CPSF2: variants seen among roughly 807,000 people sequenced by gnomAD.
The protein encoded by CPSF2 is cleavage and polyadenylation specific factor 2.
CPSF2 carries 51 observed loss-of-function variants against 84.2 expected under a neutral mutation model. That is an observed-to-expected ratio of 0.61 (90% confidence interval 0.48 to 0.77). The LOEUF is 0.77. CPSF2 is among the 30% of genes least tolerant of loss of function. The pLI is 0.00. For synonymous variants in CPSF2, 286 were observed against 311.9 expected, an observed-to-expected ratio of 0.92 and a Z score of 0.87; for missense variants, 641 against 929.4, an observed-to-expected ratio of 0.69 and a Z score of 4.03.
chr14:92,157,924 C>A lies in CPSF2; in HGVS notation c.1821+40C>A. The A allele has an allele frequency of 7.2e-7, 1 of 1,389,688 alleles. No individual in the cohort carries two copies. The allele number at this position is 1,389,688 out of a possible 1,614,324, so 86.1% of individuals were successfully genotyped here. ...AGTTGCCATTGAGTAGAAATAAGTA[C>A]TTTTTGTTGCAGGTTAGGACAGATA... On this transcript the variant is annotated intron_variant, in intron 13 of 15. Transcript: ENST00000298875. The surrounding 1 kb of genome is among the most constrained non-coding windows in gnomAD (Gnocchi z 4.0).
At chr14:92,128,676 G>A (rs188323798) in intron 2 of CPSF2, among the ~76,000 whole-genome samples, 15 of 152,310 alleles carry the variant, frequency 9.8e-5, no homozygotes, top group African/African-American at 2.9e-4. Context: ...AGTAAAAACA[G>A]GAGGGGGTCA....
intron 5 of CPSF2, among the ~76,000 whole-genome samples, chr14:92,135,058 T>G (rs2141457504): frequency 6.6e-6 from 1 of 152,338 alleles, no homozygotes; most frequent in South Asian, 2.1e-4. Flanking sequence ...ACATTAAAAT[T>G]TGCTAGTTCA....
In CPSF2 at chr14:92,169,320, A is replaced by G. The variant is rs1190291020; in HGVS notation, c.*7576A>G. 6.6e-6 allele frequency: 1 copy of G among 151,764 alleles called. No homozygotes were observed. Among genetic ancestry groups the G allele is most frequent in the African/African-American group, 2.4e-5 (1 of 41,256 alleles). The allele number at this position is 151,764 out of a possible 1,614,324, so 9.4% of individuals were successfully genotyped here. A position where few individuals can be genotyped will look rare whatever the true frequency, so the allele number is the denominator to read the frequency against. On this transcript the variant is annotated 3_prime_UTR_variant, in exon 16 of 16. Coordinates refer to ENST00000298875, the MANE Select transcript of CPSF2 (RefSeq NM_017437.3). ...ACTTGTTACTACATGACCCCCCCAC[A>G]CCCCCTAAAAAAGAAAAAGGACTTT...
rs551650078 is a variant in CPSF2, at chr14:92,165,186, G to C, written c.*3442G>C. The C allele has an allele frequency of 5.2e-4, 78 of 151,038 alleles. No homozygotes were observed. The highest frequency in any genetic ancestry group is 1.8e-3 in the African/African-American group (74 of 41,214). 9.4% of individuals were successfully genotyped at this position (151,038 alleles called of 1,614,324 possible). ...TCCATTCAACCGTTGATGTACATTT[G>C]AGTTGATTCCAAATTTTGGCTATTA... On this transcript the variant is annotated 3_prime_UTR_variant, in exon 16 of 16. Coordinates refer to ENST00000298875, the MANE Select transcript of CPSF2 (RefSeq NM_017437.3).
chr14:92,159,310 T>G (rs1391782094), intron 14 of CPSF2, 28 bp downstream of exon 14: 1 of 1,534,634 alleles, frequency 6.5e-7, no homozygotes, highest in Non-Finnish European at 8.8e-7. Context: ...TTTTTTGATT[T>G]CTTCCTGAAT....
intron 9 of CPSF2, 59 bp downstream of exon 9, chr14:92,143,353 T>A: frequency 8.7e-7 from 1 of 1,145,448 alleles, no homozygotes; most frequent in Non-Finnish European, 1.2e-6. Context: ...TTGTGCATGA[T>A]GTAAAAAAAT....
At chr14:92,154,198 C>T (rs1335959355) in intron 9 of CPSF2, 160 bp from the exon 10 acceptor site, 8 of 534,272 alleles carry the variant, frequency 1.5e-5, no homozygotes, top group Non-Finnish European at 2.3e-5. Context: ...CTAAATAGGA[C>T]CTATAATTGT....
rs2069433533 is a variant in CPSF2 at position 92,165,594 on chromosome 14, C to T, written c.*3850C>T. On this transcript the variant is annotated 3_prime_UTR_variant, in exon 16 of 16. Coordinates refer to ENST00000298875, the MANE Select transcript of CPSF2 (RefSeq NM_017437.3). ...ATTTTGGAGTAATATCTGTTCATAT[C>T]CTTTGTCCATTTTCAATTTGTTTAT... is the stretch of plus-strand genomic sequence containing the variant. 1 of 151,894 alleles carries T rather than the reference C, an allele frequency of 6.6e-6. No individual in the cohort carries two copies. The highest frequency in any genetic ancestry group is 2.4e-5 in the African/African-American group (1 of 41,352). The allele number at this position is 151,894 out of a possible 1,614,324, so 9.4% of individuals were successfully genotyped here.
Position 92,142,994 on chromosome 14 carries a change from C to T in CPSF2, c.850-10C>T. ...ATTTCTAATTCTTGTCATCTTTCCC[C>T]CCATGTTAGGTAGAATGGATGAGTG... On this transcript the variant is annotated splice_polypyrimidine_tract_variant and intron_variant, in intron 8 of 15. Coordinates refer to ENST00000298875, the MANE Select transcript of CPSF2 (RefSeq NM_017437.3). 6.3e-7 allele frequency: 1 copy of T among 1,587,264 alleles called. No homozygotes were observed.
At chr14:92,133,329 G>T (rs1224204192) in intron 3 of CPSF2, among the ~76,000 whole-genome samples, 1 of 152,014 alleles carries the variant, frequency 6.6e-6, no homozygotes, top group African/African-American at 2.4e-5. Context: ...TGAGGCAGGA[G>T]AATCGCTTGA....
chr14:92,149,963 G>T (rs1389652929), intron 9 of CPSF2, among the ~76,000 whole-genome samples: 3 of 151,906 alleles, frequency 2.0e-5, no homozygotes, highest in Non-Finnish European at 4.4e-5. Flanking sequence ...CCTAGTAAAA[G>T]ATTTTTTAAA....
intron 9 of CPSF2, among the ~76,000 whole-genome samples, chr14:92,151,657 T>C (rs2069219767): frequency 6.6e-6 from 1 of 152,202 alleles, no homozygotes; most frequent in Non-Finnish European, 1.5e-5. Flanking sequence ...AAACAACATA[T>C]TGCAAGAGAC....
At position 92,156,470 on chromosome 14, in the gene CPSF2, A is replaced by G; in HGVS notation, c.1443-9A>G. 1 of 1,604,292 alleles carries G rather than the reference A, an allele frequency of 6.2e-7. No individual in the cohort carries two copies. Among genetic ancestry groups the G allele is most frequent in the Non-Finnish European group, 8.5e-7 (1 of 1,177,122 alleles). On this transcript the variant is annotated splice_polypyrimidine_tract_variant and intron_variant, in intron 11 of 15. Coordinates refer to ENST00000298875, the MANE Select transcript of CPSF2 (RefSeq NM_017437.3). ...TTTTACTGCTTCTAATTAGAGACTT[A>G]TTATTTAGACCAGAGGATTTCTTAG...
rs187293586 is a variant in CPSF2 at position 92,163,618 on chromosome 14, C to T, written c.*1874C>T. On this transcript the variant is annotated 3_prime_UTR_variant, in exon 16 of 16. Coordinates refer to ENST00000298875, the MANE Select transcript of CPSF2 (RefSeq NM_017437.3). ...GTGTTAATAGTTCCCATAATCCCTA[C>T]GTGTTGTGGGAGGGACCCAGTGGGC... 6.8e-4 allele frequency: 104 copies of T among 152,748 alleles called. No individual in the cohort carries two copies. The highest frequency in any genetic ancestry group is 1.4e-3 in the Non-Finnish European group (95 of 68,056). 9.5% of individuals were successfully genotyped at this position (152,748 alleles called of 1,614,324 possible).
intron 7 of CPSF2, among the ~76,000 whole-genome samples, chr14:92,138,911 T>G (rs2069036640): frequency 6.6e-6 from 1 of 152,228 alleles, no homozygotes; most frequent in East Asian, 1.9e-4. Flanking sequence ...CATAAGAGAT[T>G]GGTTAACTTT....
rs1555416321 is a variant in CPSF2, at chr14:92,167,017, T to TTTTC, written c.*5276_*5277insCTTT. On this transcript the variant is annotated 3_prime_UTR_variant, in exon 16 of 16. Coordinates refer to ENST00000298875, the MANE Select transcript of CPSF2 (RefSeq NM_017437.3). ...TGCTTATCGATTTCTTTTTTTTCTT[T>TTTTC]TTTTTTTTTTTTGAGATAGCATCTT... is the stretch of plus-strand genomic sequence containing the variant. 6.7e-6 allele frequency: 1 copy of TTTTC among 148,912 alleles called. No homozygotes were observed. Among genetic ancestry groups the TTTTC allele is most frequent in the Non-Finnish European group, 1.5e-5 (1 of 67,084 alleles). The allele number at this position is 148,912 out of a possible 1,614,324, so 9.2% of individuals were successfully genotyped here. A position where few individuals can be genotyped will look rare whatever the true frequency, so the allele number is the denominator to read the frequency against.
Position 92,166,895 on chromosome 14 carries a change from T to C in CPSF2, c.*5151T>C, listed in dbSNP as rs2069454371. On this transcript the variant is annotated 3_prime_UTR_variant, in exon 16 of 16. Transcript: ENST00000298875. ...CATTACTGTAGCTTTGTAGTAACTT[T>C]TGAAATTGGGGAAGTGTGAGTTCCC... is the stretch of plus-strand genomic sequence containing the variant. 1 of 152,204 alleles carries C rather than the reference T, an allele frequency of 6.6e-6. No individual in the cohort carries two copies. Among genetic ancestry groups the C allele is most frequent in the Non-Finnish European group, 1.5e-5 (1 of 68,042 alleles). The allele number at this position is 152,204 out of a possible 1,614,324, so 9.4% of individuals were successfully genotyped here.
chr14:92,147,413 G>T (rs1406345594), intron 9 of CPSF2, among the ~76,000 whole-genome samples: 1 of 152,180 alleles, frequency 6.6e-6, no homozygotes, highest in Non-Finnish European at 1.5e-5. Context: ...AGGTAATACG[G>T]TGAAGGAGTA....
chr14:92,157,856 A>C lies in CPSF2; in HGVS notation c.1793A>C (p.Asp598Ala). Residue 598 changes from aspartate (D) to alanine (A), a missense_variant, in exon 13 of 16, where the codon GAT becomes GCT. This residue lies in a region of CPSF2 where 430 missense variants were observed against 553.6 expected (regional missense o/e 0.78). Coordinates refer to ENST00000298875, the MANE Select transcript of CPSF2 (RefSeq NM_017437.3). This position sits in a 1 kb window ranked among gnomAD's most constrained non-coding sequence, Gnocchi z 4.0. ...VYMPKLHETVDATSETHIYQV... is the reference protein window; with the variant it reads ...VYMPKLHETVAATSETHIYQV... ...ATGCCAAAGCTACATGAAACAGTTG[A>C]TGCCACTAGTGAAACTCACATCTAC... 1 of 1,614,008 alleles carries C rather than the reference A, an allele frequency of 6.2e-7. No individual in the cohort carries two copies. Among genetic ancestry groups the C allele is most frequent in the Non-Finnish European group, 8.5e-7 (1 of 1,179,840 alleles).
Sources: gnomAD v4.1 joint callset for allele counts (sites outside exome capture counted in the v4.1 genomes callset) on GRCh38, gnomAD v4.1.1 for gene constraint, gnomAD v4.1.1 regional missense constraint, Gnocchi (gnomAD v3.1) non-coding constraint, MANE v1.5 for transcripts, NCBI Gene and HGNC (gene_info 2026-07-23, HGNC 2026-07-21) for gene names.